NRXN3: variants seen among roughly 807,000 people sequenced by gnomAD.
NRXN3 encodes the protein neurexin III.
Under a neutral mutation model 137.6 loss-of-function variants are expected in NRXN3, and 32 were observed. The ratio of observed to expected loss-of-function variants is 0.23; its 90% CI spans 0.18 to 0.31. The LOEUF (loss-of-function observed/expected upper bound fraction) is 0.31, where lower values mean the gene tolerates loss of function less well. Ranked by LOEUF, NRXN3 falls within the 10% of genes least tolerant of loss-of-function variation. The pLI is 1.00. For synonymous variants in NRXN3, 798 were observed against 784.5 expected (o/e 1.02, Z -0.29); for missense variants, 1,574 against 2,062.5 (o/e 0.76, Z 4.59).
At chr14:78,852,601 T>C (rs2099045605) in intron 10 of NRXN3, among the ~76,000 whole-genome samples, 1 of 152,206 alleles carries the variant, frequency 6.6e-6, no homozygotes, top group Non-Finnish European at 1.5e-5. Context: ...CATATGTTTT[T>C]ACATTTGCTT....
intron 10 of NRXN3, among the ~76,000 whole-genome samples, chr14:78,937,016 T>C (rs1214850480): frequency 2.7e-5 from 4 of 150,760 alleles, no homozygotes; most frequent in African/African-American, 4.9e-5. Flanking sequence ...AGATCAGGAG[T>C]TGGAAACTAG....
chr14:79,560,705 A>G (rs2097487272), intron 16 of NRXN3, among the ~76,000 whole-genome samples: 3 of 151,122 alleles, frequency 2.0e-5, no homozygotes, highest in South Asian at 4.2e-4. Context: ...GGCCTGGCTA[A>G]TTTTTTTGTA....
chr14:78,452,232 C>T (rs1291374019), intron 4 of NRXN3, among the ~76,000 whole-genome samples: 1 of 152,186 alleles, frequency 6.6e-6, no homozygotes, highest in Non-Finnish European at 1.5e-5. Flanking sequence ...AGTCTCAGCT[C>T]ACCAGTCACT....
intron 4 of NRXN3, among the ~76,000 whole-genome samples, chr14:78,643,001 C>T (rs910371262): frequency 3.3e-5 from 5 of 152,292 alleles, no homozygotes; most frequent in African/African-American, 1.2e-4. Flanking sequence ...CAGGTAGATA[C>T]ATATGACTGG....
intron 3 of NRXN3, among the ~76,000 whole-genome samples, chr14:78,290,715 G>C (rs771526977): frequency 1.3e-5 from 2 of 152,034 alleles, no homozygotes; most frequent in African/African-American, 4.8e-5. Context: ...TCAATCCCAC[G>C]CTGTCTCCTG....
intron 4 of NRXN3, among the ~76,000 whole-genome samples, chr14:78,638,683 G>A (rs771130166): frequency 6.6e-6 from 1 of 152,214 alleles, no homozygotes; most frequent in Admixed American, 6.5e-5. Flanking sequence ...GGCTCTTAGA[G>A]GTAGGTGTTC....
chr14:79,532,906 GAGA>G (rs1445562784), intron 16 of NRXN3, among the ~76,000 whole-genome samples: 1 of 152,094 alleles, frequency 6.6e-6, no homozygotes, highest in African/African-American at 2.4e-5. Flanking sequence ...GTTGGCATAG[GAGA>G]AGATTTCCTA....
chr14:79,830,103 A>G (rs556280244), intron 20 of NRXN3, among the ~76,000 whole-genome samples: 7 of 152,228 alleles, frequency 4.6e-5, no homozygotes, highest in Non-Finnish European at 1.0e-4. Context: ...TTGTTACCAT[A>G]TAAATGACTG....
chr14:78,862,679 G>A (rs992521446), intron 10 of NRXN3, among the ~76,000 whole-genome samples: 2 of 152,098 alleles, frequency 1.3e-5, no homozygotes, highest in South Asian at 2.1e-4. Context: ...GCAAGATAGA[G>A]TACTAGGGGC....
intron 4 of NRXN3, among the ~76,000 whole-genome samples, chr14:78,415,963 T>C (rs868393148): frequency 3.3e-5 from 5 of 152,154 alleles, no homozygotes; most frequent in Non-Finnish European, 7.3e-5. Context: ...CTCCATCTGC[T>C]GTACTCTGTT....
intron 15 of NRXN3, among the ~76,000 whole-genome samples, chr14:79,080,058 A>G (rs1030317053): frequency 6.6e-6 from 1 of 152,160 alleles, no homozygotes; most frequent in Non-Finnish European, 1.5e-5. Context: ...GTATTATGCC[A>G]TTCAGTCTGA....
intron 10 of NRXN3, among the ~76,000 whole-genome samples, chr14:78,954,897 G>A (rs1410770705): frequency 6.6e-6 from 1 of 150,818 alleles, no homozygotes; most frequent in Non-Finnish European, 1.5e-5. Flanking sequence ...GATACCATAA[G>A]AGCTGATGGA....
chr14:78,497,765 A>G (rs980212903), intron 4 of NRXN3, among the ~76,000 whole-genome samples: 3 of 152,198 alleles, frequency 2.0e-5, no homozygotes, highest in African/African-American at 7.2e-5. Flanking sequence ...ACTGTCTGGA[A>G]TTAAATTCTG....
intron 15 of NRXN3, among the ~76,000 whole-genome samples, chr14:79,037,219 A>G (rs986104764): frequency 2.6e-5 from 4 of 152,070 alleles, no homozygotes; most frequent in South Asian, 4.1e-4. Flanking sequence ...GAGCCTGACA[A>G]ATCTCCTGTT....
intron 15 of NRXN3, among the ~76,000 whole-genome samples, chr14:79,074,194 G>T (rs1161907024): frequency 6.6e-6 from 1 of 152,086 alleles, no homozygotes; most frequent in Non-Finnish European, 1.5e-5. Context: ...AACTAGCTCT[G>T]CAGTCTTGCA....
intron 15 of NRXN3, among the ~76,000 whole-genome samples, chr14:79,037,574 C>T (rs1477968375): frequency 2.0e-5 from 3 of 152,150 alleles, no homozygotes; most frequent in African/African-American, 4.8e-5. Flanking sequence ...AGATTAGTGG[C>T]CTCTACCCAT....
At chr14:79,379,709 A>G (rs2094409803) in intron 15 of NRXN3, among the ~76,000 whole-genome samples, 2 of 152,122 alleles carry the variant, frequency 1.3e-5, no homozygotes, top group Non-Finnish European at 2.9e-5. Context: ...GGACTCATGG[A>G]AGTGAGAGAC....
At chr14:78,355,503 C>T (rs1489954537) in intron 4 of NRXN3, among the ~76,000 whole-genome samples, 1 of 152,204 alleles carries the variant, frequency 6.6e-6, no homozygotes, top group African/African-American at 2.4e-5. Context: ...GCCACCTCCA[C>T]CTCAAACTGG....
Position 78,965,337 on chromosome 14 carries a change from G to T in NRXN3, c.2396-688G>T, listed in dbSNP as rs957277754. 2.0e-5 allele frequency among the ~76,000 whole-genome samples: 3 copies of T among 152,248 alleles called. No individual in the cohort carries two copies. In the South Asian group the frequency reaches 6.2e-4, roughly 32 times the overall value. On this transcript the variant is annotated intron_variant, in intron 11 of 20. Transcript: ENST00000335750. ...AAACTCTGAGGGCCTAAGCCCCCCAGGTGATTCTGATACACCCTAAAGTGT... is the reference window on the plus strand; with the variant it reads ...AAACTCTGAGGGCCTAAGCCCCCCATGTGATTCTGATACACCCTAAAGTGT...
Sources: allele counts gnomAD v4.1 joint callset (sites outside exome capture counted in the v4.1 genomes callset), GRCh38; gene constraint gnomAD v4.1.1; transcripts MANE v1.5; gene names NCBI Gene and HGNC (gene_info 2026-07-23, HGNC 2026-07-21).